Variants in LRRIQ4 observed in about 807,000 individuals in gnomAD.
LRRIQ4 encodes the protein leucine-rich repeat and IQ domain-containing protein 4.
In LRRIQ4, 21 loss-of-function variants were observed where a neutral mutation model predicts 40.1. The observed-to-expected ratio is 0.52, with a 90% confidence interval of 0.37 to 0.75. The LOEUF (loss-of-function observed/expected upper bound fraction) is 0.75, where lower values mean the gene tolerates loss of function less well. Among genes scored for constraint, LRRIQ4 ranks in the 30% least tolerant of loss-of-function variants. The pLI, the probability that LRRIQ4 is intolerant of heterozygous loss-of-function variation, is 0.00. For missense variants in LRRIQ4, 655 were observed against 660.0 expected, an observed-to-expected ratio of 0.99 and a Z score of 0.08; for synonymous variants, 277 against 277.1, an observed-to-expected ratio of 1.00 and a Z score of 0.00.
rs747187885 is a variant in LRRIQ4, at chr3:169,822,327, G to C, written c.406G>C (p.Val136Leu). 5 of 1,613,774 alleles carry C rather than the reference G, an allele frequency of 3.1e-6. No homozygotes were observed. Among genetic ancestry groups the C allele is most frequent in the South Asian group, 1.1e-5 (1 of 91,050 alleles). Residue 136 changes from valine (V) to leucine (L), a missense_variant, in exon 2 of 6, where the codon GTC becomes CTC. By Grantham distance (32) the Val-to-Leu change is conservative (BLOSUM62 1). Coordinates refer to ENST00000340806, the MANE Select transcript of LRRIQ4 (RefSeq NM_001080460.3). ...GACCGACCTGAAGGAAATTCCCGTC[G>C]TCATCTTTAAAAACCTCCACCATCT... is the stretch of plus-strand genomic sequence containing the variant. ...YQTDLKEIPV[V>L]IFKNLHHLEL...
At chr3:169,833,483 G>A (rs1780232647) in intron 5 of LRRIQ4, among the ~76,000 whole-genome samples, 1 of 152,080 alleles carries the variant, frequency 6.6e-6, no homozygotes, top group South Asian at 2.1e-4. Context: ...TCATTGGAAT[G>A]AAAAAAGTTT....
chr3:169,818,204 CTT>C (rs1779804621), intron 1 of LRRIQ4, among the ~76,000 whole-genome samples: 1 of 152,212 alleles, frequency 6.6e-6, no homozygotes, highest in African/African-American at 2.4e-5. Flanking sequence ...CCGAAGCACA[CTT>C]ATTCTCTCTC....
chr3:169,813,592 G>A (rs762161186), intron 1 of LRRIQ4, among the ~76,000 whole-genome samples: 5 of 152,152 alleles, frequency 3.3e-5, no homozygotes, highest in Non-Finnish European at 7.3e-5. Flanking sequence ...CACCATAAAC[G>A]ACTTTGTAAC....
Position 169,822,014 on chromosome 3 carries a change from T to C in LRRIQ4, c.93T>C (p.Asp31=), listed in dbSNP as rs1159523193. 6.3e-7 allele frequency: 1 copy of C among 1,579,498 alleles called. No individual in the cohort carries two copies. Among genetic ancestry groups the C allele is most frequent in the East Asian group, 2.2e-5 (1 of 44,530 alleles). The change falls in exon 2 of 6, where the codon GAT becomes GAC. Residue 31 remains aspartate (D), a synonymous_variant. Coordinates refer to ENST00000340806, the MANE Select transcript of LRRIQ4 (RefSeq NM_001080460.3). ...TCAATGATAGAACATTTTTCATTGA[T>C]GCCTCTAATCAGAGCTTGACTGCCA... ...QHVNDRTFFI[D]ASNQSLTAIP...
At chr3:169,837,376 C>T (rs1314869885) in intron 5 of LRRIQ4, 103 bp from the exon 6 acceptor site, 1 of 681,858 alleles carries the variant, frequency 1.5e-6, no homozygotes, top group African/African-American at 2.7e-5. Context: ...ACATCCCATT[C>T]TCTCCACGTC....
rs1217404633 is a variant in LRRIQ4, at chr3:169,833,501, C to A, written c.1530+318C>A. Among the ~76,000 whole-genome samples the A allele has an allele frequency of 5.9e-5, 9 of 152,024 alleles. No homozygotes were observed. The East Asian group carries it at 1.7e-3, about 29-fold the overall frequency. On this transcript the variant is annotated intron_variant, in intron 5 of 5. Transcript: ENST00000340806. ...TTGGAATGAAAAAAGTTTGTATTAA[C>A]AAAAGTAGTAAAATAAGTTTAGAAA...
intron 5 of LRRIQ4, among the ~76,000 whole-genome samples, chr3:169,833,866 T>C (rs1282069746): frequency 6.6e-6 from 1 of 152,154 alleles, no homozygotes; most frequent in Non-Finnish European, 1.5e-5. Context: ...AGTCAAGTCT[T>C]CAGTCCGTAA....
intron 3 of LRRIQ4, 24 bp downstream of exon 3, chr3:169,828,956 C>T (rs1411230660): frequency 6.3e-7 from 1 of 1,580,138 alleles, no homozygotes; most frequent in South Asian, 1.2e-5. Context: ...AATGAGCAGG[C>T]TAAGAAGCAC....
At chr3:169,817,039 T>G (rs1779784144) in intron 1 of LRRIQ4, among the ~76,000 whole-genome samples, 1 of 151,960 alleles carries the variant, frequency 6.6e-6, no homozygotes, top group African/African-American at 2.4e-5. Context: ...ATTGTTTATT[T>G]GAAGTTTTCT....
At chr3:169,821,272 T>C (rs1424076978) in intron 1 of LRRIQ4, among the ~76,000 whole-genome samples, 2 of 152,244 alleles carry the variant, frequency 1.3e-5, no homozygotes, top group East Asian at 3.8e-4. Flanking sequence ...CTCAGTGTTA[T>C]GGTAAGAGCA....
At chr3:169,830,707 T>C in intron 4 of LRRIQ4, 77 bp downstream of exon 4, 1 of 1,542,750 alleles carries the variant, frequency 6.5e-7, no homozygotes, top group Middle Eastern at 1.7e-4. Context: ...TTCCTTGCTT[T>C]GCTAAAGACC....
Position 169,837,461 on chromosome 3 carries a change from G to C in LRRIQ4, c.1531-18G>C. On this transcript the variant is annotated intron_variant, in intron 5 of 5. Coordinates refer to ENST00000340806, the MANE Select transcript of LRRIQ4 (RefSeq NM_001080460.3). ...GTGATACCAGCCGATGCTGAATTTG[G>C]GTTTATCTTGTTTTCAGATTCAGGC... is the stretch of plus-strand genomic sequence containing the variant. 1 of 1,596,016 alleles carries C rather than the reference G, an allele frequency of 6.3e-7. No homozygotes were observed.
At chr3:169,820,115 A>C (rs1178583351) in intron 1 of LRRIQ4, among the ~76,000 whole-genome samples, 3 of 152,192 alleles carry the variant, frequency 2.0e-5, no homozygotes, top group African/African-American at 7.2e-5. Flanking sequence ...TCATCTAGGC[A>C]CTGGGCCTCT....
chr3:169,823,208 C>T (rs187872509), intron 2 of LRRIQ4, among the ~76,000 whole-genome samples: 61 of 152,284 alleles, frequency 4.0e-4, no homozygotes, highest in African/African-American at 1.3e-3. Context: ...TACCTCACAA[C>T]GACTGTGTCC....
Position 169,821,995 on chromosome 3 carries a change from A to T in LRRIQ4, c.74A>T (p.Asp25Val). ...AGAAATGATCCACAGCACGTCAATG[A>T]TAGAACATTTTTCATTGATGCCTCT... ...HQRNDPQHVN[D>V]RTFFIDASNQ... is the part of the protein sequence containing the mutation. Residue 25 changes from aspartate to valine, a missense_variant, in exon 2 of 6, where the codon GAT becomes GTT. Physicochemically the swap from Asp to Val is radical, Grantham distance 152 (BLOSUM62 -3). Transcript: ENST00000340806. 1 of 1,566,302 alleles carries T rather than the reference A, an allele frequency of 6.4e-7. No individual in the cohort carries two copies.
At chr3:169,837,115 T>C (rs1469126983) in intron 5 of LRRIQ4, among the ~76,000 whole-genome samples, 1 of 152,132 alleles carries the variant, frequency 6.6e-6, no homozygotes, top group Non-Finnish European at 1.5e-5. Flanking sequence ...TCAGATCCCC[T>C]CACCATGTGC....
chr3:169,829,018 A>G (rs1780105817), intron 3 of LRRIQ4, 86 bp downstream of exon 3: 1 of 1,201,874 alleles, frequency 8.3e-7, no homozygotes, highest in East Asian at 2.4e-5. Flanking sequence ...AGGTCTCCAC[A>G]GGCTGGATGT....
Position 169,822,870 on chromosome 3 carries a change from C to T in LRRIQ4, c.949C>T (p.His317Tyr). Reference sequence around the variant, plus strand: ...GGACCTAAGCCAGAACCATCTGCACCACTGCCCGCTGCAGATCTGTGCACT... The same window carrying T: ...GGACCTAAGCCAGAACCATCTGCACTACTGCCCGCTGCAGATCTGTGCACT... ...FLDLSQNHLH[H>Y]CPLQICALKN... The change falls in exon 2 of 6, where the codon CAC becomes TAC. Residue 317 changes from histidine to tyrosine, a missense_variant. Physicochemically the swap from His to Tyr is moderately conservative, Grantham distance 83. Transcript: ENST00000340806. 6.2e-7 allele frequency: 1 copy of T among 1,607,938 alleles called. No homozygotes were observed. The highest frequency in any genetic ancestry group is 1.7e-4 in the Middle Eastern group (1 of 6,026).
chr3:169,835,288 T>C (rs1416845623), intron 5 of LRRIQ4, among the ~76,000 whole-genome samples: 3 of 152,178 alleles, frequency 2.0e-5, no homozygotes, highest in Non-Finnish European at 4.4e-5. Context: ...ACCACCTGTC[T>C]TGCAAAAGGA....
Sources: allele counts gnomAD v4.1 joint callset (sites outside exome capture counted in the v4.1 genomes callset), GRCh38; gene constraint gnomAD v4.1.1; transcripts MANE v1.5; gene names NCBI Gene and HGNC (gene_info 2026-07-23, HGNC 2026-07-21).